Variants in RSRC2 observed in about 807,000 individuals in gnomAD.
RSRC2 encodes the protein arginine and serine rich coiled-coil 2.
RSRC2 carries 5 observed loss-of-function variants against 61.3 expected under a neutral mutation model. That is an observed-to-expected ratio of 0.08 (90% CI 0.04 to 0.17). The LOEUF (loss-of-function observed/expected upper bound fraction) is 0.17. RSRC2 is among the 10% of genes least tolerant of loss of function. RSRC2 has a pLI of 1.00. For synonymous variants in RSRC2, 202 were observed against 166.5 expected (o/e 1.21, Z -1.64); for missense variants, 381 against 518.8 (o/e 0.73, Z 2.58).
chr12:122,516,532 C>T (rs1958938709), intron 5 of RSRC2, among the ~76,000 whole-genome samples: 1 of 152,216 alleles, frequency 6.6e-6, no homozygotes, highest in Admixed American at 6.5e-5. Flanking sequence ...TCTTAAACGT[C>T]TTTAAGCACG....
intron 4 of RSRC2, 60 bp downstream of exon 4, chr12:122,518,779 C>G (rs1959110169): frequency 7.5e-7 from 1 of 1,337,368 alleles, no homozygotes; most frequent in Non-Finnish European, 1.1e-6. Context: ...GTTGCTGGGT[C>G]AATGAGAAAC....
rs576018781 is a variant in RSRC2, at chr12:122,507,024, A to G, written c.1036-101T>C. The G allele has an allele frequency of 8.8e-4, 615 of 695,910 alleles. 4 individuals are homozygous for G. Among genetic ancestry groups the G allele is most frequent in the Admixed American group, 2.6e-3 (108 of 41,508 alleles). The allele number at this position is 695,910 out of a possible 1,614,324, so 43.1% of individuals were successfully genotyped here. A position where few individuals can be genotyped will look rare whatever the true frequency, so the allele number is the denominator to read the frequency against. On this transcript the variant is annotated intron_variant, in intron 8 of 9. Transcript: ENST00000331738. The stretch of plus-strand genomic sequence containing the variant: ...TAAATTAAAAAAAAAAACACCATGG[A>G]TAGCATTCAATCAATGTAAGTTTAA...
chr12:122,514,437 G>GT (rs1565895616), intron 6 of RSRC2: 1 of 227,866 alleles, frequency 4.4e-6, no homozygotes, highest in African/African-American at 2.3e-5. Flanking sequence ...GCTAATTTTT[G>GT]TATTTTTAGT....
chr12:122,526,686 C>T (rs1395896727), intron 1 of RSRC2, among the ~76,000 whole-genome samples, 162 bp downstream of exon 1: 1 of 152,196 alleles, frequency 6.6e-6, no homozygotes, highest in African/African-American at 2.4e-5. Context: ...GCCTTACTTC[C>T]CCCTCCCTAC....
intron 3 of RSRC2, chr12:122,519,947 T>C (rs1959173891): frequency 6.5e-6 from 1 of 152,848 alleles, no homozygotes; most frequent in African/African-American, 2.4e-5. Flanking sequence ...ATCACTAAAT[T>C]TTAATTCTGG....
chr12:122,514,397 T>A (rs1212593576), intron 6 of RSRC2, among the ~76,000 whole-genome samples: 1 of 151,672 alleles, frequency 6.6e-6, no homozygotes, highest in African/African-American at 2.4e-5. Context: ...CCAGAGTAGC[T>A]GGGATTACAG....
chr12:122,513,683 A>G (rs918145666), intron 6 of RSRC2: 1 of 465,072 alleles, frequency 2.2e-6, no homozygotes, highest in Non-Finnish European at 2.8e-6. Context: ...ACGTGTGACT[A>G]CAACTGGTTG....
intron 4 of RSRC2, 148 bp from the exon 5 acceptor site, chr12:122,517,578 G>A (rs1056183861): frequency 3.1e-6 from 3 of 964,916 alleles, no homozygotes; most frequent in Non-Finnish European, 4.5e-6. Context: ...GATTTTCAAA[G>A]GAAATACTAA....
In RSRC2 at chr12:122,508,053, T is replaced by C. The variant is rs1958243427; in HGVS notation, c.1035+165A>G. 5.8e-6 allele frequency: 4 copies of C among 693,914 alleles called. No individual in the cohort carries two copies. The highest frequency in any genetic ancestry group is 5.2e-6 in the Non-Finnish European group (2 of 385,300). The allele number at this position is 693,914 out of a possible 1,614,324, so 43.0% of individuals were successfully genotyped here. ...TCCTTACCTCAACTGATCCGCTCAC[T>C]TGGCATCCCAAAGTGCTGGGATTAA... is the stretch of plus-strand genomic sequence containing the variant. On this transcript the variant is annotated intron_variant, in intron 8 of 9. Coordinates refer to ENST00000331738, the MANE Select transcript of RSRC2 (RefSeq NM_023012.6).
chr12:122,525,002 C>G (rs1277301023), intron 1 of RSRC2, among the ~76,000 whole-genome samples: 1 of 152,200 alleles, frequency 6.6e-6, no homozygotes, highest in East Asian at 1.9e-4. Context: ...GGATTGAATA[C>G]TAGGTCACTT....
Position 122,503,709 on chromosome 12 carries a change from T to TTA in RSRC2, c.*1817_*1818insTA, listed in dbSNP as rs1328194367. ...TCCTTAGAAGGCTTAGATTTGTCACTGAAACACGGTGAAAAGCCATTTTGC... is the reference window on the plus strand; with the variant it reads ...TCCTTAGAAGGCTTAGATTTGTCACTTAGAAACACGGTGAAAAGCCATTTTGC... On this transcript the variant is annotated 3_prime_UTR_variant, in exon 10 of 10. Coordinates refer to ENST00000331738, the MANE Select transcript of RSRC2 (RefSeq NM_023012.6). 2 of 152,184 alleles carry TTA rather than the reference T, an allele frequency of 1.3e-5. No homozygotes were observed. Among genetic ancestry groups the TTA allele is most frequent in the Non-Finnish European group, 2.9e-5 (2 of 68,026 alleles). The allele number at this position is 152,184 out of a possible 1,614,324, so 9.4% of individuals were successfully genotyped here. A position where few individuals can be genotyped will look rare whatever the true frequency, so the allele number is the denominator to read the frequency against.
Position 122,508,266 on chromosome 12 carries a change from A to G in RSRC2, c.987T>C (p.Ala329=). ...NPAAVNPMKF[A]EQEKKRKMLW... ...GCATTTTCCTTTTTTTCTCTTGTTC[A>G]GCAAATTTCATTGGATTAACAGCGG... The change falls in exon 8 of 10, where the codon GCT becomes GCC. Residue 329 remains alanine, a synonymous_variant. Transcript: ENST00000331738. 6.2e-7 allele frequency: 1 copy of G among 1,614,230 alleles called. No homozygotes were observed. The highest frequency in any genetic ancestry group is 8.5e-7 in the Non-Finnish European group (1 of 1,180,046).
At chr12:122,507,097 G>A (rs1346015119) in intron 8 of RSRC2, 174 bp from the exon 9 acceptor site, 3 of 633,902 alleles carry the variant, frequency 4.7e-6, no homozygotes, top group Non-Finnish European at 8.4e-6. Flanking sequence ...ACAAGCAAGA[G>A]GTTGGCGCCG....
intron 1 of RSRC2, among the ~76,000 whole-genome samples, chr12:122,525,370 C>T (rs1565910774): frequency 6.6e-6 from 1 of 152,058 alleles, no homozygotes; most frequent in African/African-American, 2.4e-5. Flanking sequence ...GAGCAAAACT[C>T]CGTCTCGAAA....
intron 8 of RSRC2, among the ~76,000 whole-genome samples, chr12:122,507,512 A>T (rs972800968): frequency 7.9e-5 from 12 of 152,208 alleles, no homozygotes; most frequent in Non-Finnish European, 1.3e-4. Flanking sequence ...GTCAAAAAAA[A>T]AAAAGTACCT....
chr12:122,524,911 A>T (rs1460828353), intron 1 of RSRC2, among the ~76,000 whole-genome samples: 1 of 152,188 alleles, frequency 6.6e-6, no homozygotes, highest in Non-Finnish European at 1.5e-5. Flanking sequence ...TTGGTTTCTT[A>T]TAATTTACAT....
intron 9 of RSRC2, among the ~76,000 whole-genome samples, chr12:122,506,156 C>T (rs372230427): frequency 1.3e-5 from 2 of 150,856 alleles, no homozygotes; most frequent in East Asian, 2.0e-4. Flanking sequence ...GAGGCTGAGA[C>T]GGGTGGATCA....
intron 8 of RSRC2, chr12:122,507,996 G>A (rs1958238199): frequency 3.4e-6 from 2 of 591,166 alleles, no homozygotes; most frequent in East Asian, 2.9e-5. Context: ...TAGAGACAGG[G>A]TTTTGCCATG....
rs558024300 is a variant in RSRC2 at position 122,524,720 on chromosome 12, C to T, written c.6+2128G>A. Among the ~76,000 whole-genome samples the T allele has an allele frequency of 2.6e-5, 4 of 152,232 alleles. No individual in the cohort carries two copies. The South Asian group carries it at 6.2e-4, about 24-fold the overall frequency. Reference sequence around the variant, plus strand: ...TTGAGGCCATGGAAAACTTTTATTTCCCTGAGGATATTTTATAGTAGCATA... The same window carrying T: ...TTGAGGCCATGGAAAACTTTTATTTTCCTGAGGATATTTTATAGTAGCATA... On this transcript the variant is annotated intron_variant, in intron 1 of 9. Coordinates refer to ENST00000331738, the MANE Select transcript of RSRC2 (RefSeq NM_023012.6).
Sources: gnomAD v4.1 joint callset for allele counts (sites outside exome capture counted in the v4.1 genomes callset) on GRCh38, gnomAD v4.1.1 for gene constraint, MANE v1.5 for transcripts, NCBI Gene and HGNC (gene_info 2026-07-23, HGNC 2026-07-21) for gene names.